NBAS: variants seen among roughly 807,000 people sequenced by gnomAD.
The protein encoded by NBAS is NAG/BC035112 fusion.
Under a neutral mutation model 302.5 loss-of-function variants are expected in NBAS, and 219 were observed. That is an observed-to-expected ratio of 0.72 (90% confidence interval 0.65 to 0.81). NBAS has a LOEUF of 0.81. Among genes scored for constraint, NBAS ranks in the 30% least tolerant of loss-of-function variants. The pLI is 0.00. For missense variants in NBAS, 2,932 were observed against 2,841.6 expected (o/e 1.03, Z -0.72); for synonymous variants, 1,118 against 1,021.6 (o/e 1.09, Z -1.80).
At chr2:15,161,127 T>A in the NBAS span, among the ~76,000 whole-genome samples, 3 of 152,102 alleles carry the variant, frequency 2.0e-5, no homozygotes, top group Non-Finnish European at 2.9e-5. Flanking sequence ...TGATGTGAGT[T>A]CAAATCCTGA....
chr2:14,828,848 G>A, the NBAS span, among the ~76,000 whole-genome samples: 1 of 152,122 alleles, frequency 6.6e-6, no homozygotes, highest in Non-Finnish European at 1.5e-5. Context: ...CATAGGTGTT[G>A]GGGTTGAAAT....
At chr2:14,955,505 G>A in the NBAS span, among the ~76,000 whole-genome samples, 2 of 152,232 alleles carry the variant, frequency 1.3e-5, no homozygotes, top group African/African-American at 2.4e-5. Context: ...CTTCCACACT[G>A]CCCTAGCAGA....
chr2:15,453,009 T>C (rs1027110864), intron 21 of NBAS, among the ~76,000 whole-genome samples: 6 of 152,192 alleles, frequency 3.9e-5, no homozygotes, highest in Admixed American at 2.6e-4. Context: ...GCAAACAGAA[T>C]AGTACCCTCC....
the NBAS span, among the ~76,000 whole-genome samples, chr2:15,088,904 C>T: frequency 1.3e-5 from 2 of 152,172 alleles, no homozygotes; most frequent in Non-Finnish European, 2.9e-5. Flanking sequence ...ATAGACGGGC[C>T]TGTAATTCAG....
At chr2:15,375,039 T>C (rs1255196436) in intron 30 of NBAS, among the ~76,000 whole-genome samples, 2 of 152,206 alleles carry the variant, frequency 1.3e-5, no homozygotes, top group Non-Finnish European at 2.9e-5. Context: ...TACTGTTGAA[T>C]GCAAACATTA....
At chr2:14,839,285 A>G in the NBAS span, among the ~76,000 whole-genome samples, 1 of 151,738 alleles carries the variant, frequency 6.6e-6, no homozygotes, top group African/African-American at 2.4e-5. Flanking sequence ...CACCAAGCAC[A>G]TGCAAAATTT....
At chr2:15,469,023 T>C (rs1192635723) in intron 16 of NBAS, among the ~76,000 whole-genome samples, 3 of 152,196 alleles carry the variant, frequency 2.0e-5, no homozygotes, top group Admixed American at 1.3e-4. Flanking sequence ...AGTCATGATA[T>C]GCTGTTTTTT....
In NBAS at chr2:15,416,085, C is replaced by G. The variant is rs560005641; in HGVS notation, c.2764-366G>C. Reference sequence around the variant, plus strand: ...AGCAAAGAGAAGGCATACGCAAAAACAGAGAGAGAGAGAGAGAGAGAGAGT... The same window carrying G: ...AGCAAAGAGAAGGCATACGCAAAAAGAGAGAGAGAGAGAGAGAGAGAGAGT... On this transcript the variant is annotated intron_variant, in intron 24 of 51. Coordinates refer to ENST00000281513, the MANE Select transcript of NBAS (RefSeq NM_015909.4). Among the ~76,000 whole-genome samples, 955 of 147,834 alleles carry G rather than the reference C, an allele frequency of 6.5e-3. 8 individuals are homozygous for G. Among genetic ancestry groups the G allele is most frequent in the African/African-American group, 0.022 (899 of 40,438 alleles).
At chr2:15,445,347 C>T (rs1678673637) in intron 21 of NBAS, among the ~76,000 whole-genome samples, 2 of 147,548 alleles carry the variant, frequency 1.4e-5, no homozygotes, top group South Asian at 2.2e-4. Context: ...GAGTTCATGT[C>T]CTTTGTAGGG....
the NBAS span, among the ~76,000 whole-genome samples, chr2:15,132,038 G>C: frequency 6.6e-6 from 1 of 152,150 alleles, no homozygotes; most frequent in Non-Finnish European, 1.5e-5. Flanking sequence ...CATGAGATTT[G>C]GCCGAGACAT....
rs192320078 is a variant in NBAS, at chr2:15,215,081, A to G, written c.6432+3692T>C. Reference sequence around the variant, plus strand: ...CACCAGTTAGCTAGAAAATTACAAAAGCTGAAAAACTCAGATAAACCGTAC... The same window carrying G: ...CACCAGTTAGCTAGAAAATTACAAAGGCTGAAAAACTCAGATAAACCGTAC... On this transcript the variant is annotated intron_variant, in intron 48 of 51. Transcript: ENST00000281513. Among the ~76,000 whole-genome samples, 130 of 152,286 alleles carry G rather than the reference A, an allele frequency of 8.5e-4. 1 individual carries two copies. The highest frequency in any genetic ancestry group is 2.2e-4 in the Non-Finnish European group (15 of 68,020).
the NBAS span, among the ~76,000 whole-genome samples, chr2:14,889,604 G>A: frequency 6.6e-6 from 1 of 152,286 alleles, no homozygotes; most frequent in East Asian, 1.9e-4. Context: ...AGGGAGTTTT[G>A]AGGAACAGAT....
At chr2:14,941,460 T>C in the NBAS span, among the ~76,000 whole-genome samples, 1 of 152,322 alleles carries the variant, frequency 6.6e-6, no homozygotes, top group South Asian at 2.1e-4. Context: ...CTCATCTAAG[T>C]GGAAAGGAAT....
chr2:15,151,211 C>T, the NBAS span, among the ~76,000 whole-genome samples: 2 of 152,150 alleles, frequency 1.3e-5, no homozygotes, highest in African/African-American at 4.8e-5. Flanking sequence ...GTGTGGGCAA[C>T]CCCATGTCTC....
intron 9 of NBAS, among the ~76,000 whole-genome samples, chr2:15,513,050 A>G (rs1292818010): frequency 1.3e-5 from 2 of 152,186 alleles, no homozygotes; most frequent in African/African-American, 4.8e-5. Flanking sequence ...CTTAGATCTA[A>G]ATTTTTCAAA....
the NBAS span, among the ~76,000 whole-genome samples, chr2:14,788,401 T>G: frequency 3.3e-5 from 5 of 152,296 alleles, no homozygotes; most frequent in South Asian, 6.2e-4. Flanking sequence ...GGCGCTCTGC[T>G]TTTTAGAGTT....
the NBAS span, among the ~76,000 whole-genome samples, chr2:14,991,115 C>A: frequency 1.3e-5 from 2 of 152,008 alleles, no homozygotes; most frequent in East Asian, 1.9e-4. Context: ...GCAGGGAGGG[C>A]CAACCCTGGT....
the NBAS span, among the ~76,000 whole-genome samples, chr2:14,965,402 T>C: frequency 1.3e-5 from 2 of 152,184 alleles, no homozygotes; most frequent in African/African-American, 2.4e-5. Flanking sequence ...AACAATGTTA[T>C]ACAAATAAAT....
At chr2:15,501,369 C>A (rs940790004) in intron 11 of NBAS, among the ~76,000 whole-genome samples, 7 of 151,764 alleles carry the variant, frequency 4.6e-5, no homozygotes, top group Non-Finnish European at 1.0e-4. Flanking sequence ...AACCACAATT[C>A]AAAAAGAACC....
Sources: allele counts gnomAD v4.1 joint callset (sites outside exome capture counted in the v4.1 genomes callset), GRCh38; gene constraint gnomAD v4.1.1; transcripts MANE v1.5; gene names NCBI Gene and HGNC (gene_info 2026-07-23, HGNC 2026-07-21).